The following ITGA1 variants were observed in gnomAD, a reference collection of about 807,000 sequenced individuals.
The protein encoded by ITGA1 is integrin subunit alpha 1.
Under a neutral mutation model 145.9 loss-of-function variants are expected in ITGA1, and 85 were observed. That is an observed-to-expected ratio of 0.58 (90% CI 0.49 to 0.70). The LOEUF (loss-of-function observed/expected upper bound fraction) is 0.70, where lower values mean the gene tolerates loss of function less well. Ranked by LOEUF, ITGA1 falls within the 30% of genes least tolerant of loss-of-function variation. ITGA1 has a pLI of 0.00. For synonymous variants in ITGA1, 520 were observed against 495.3 expected (o/e 1.05, Z -0.66); for missense variants, 1,351 against 1,418.7 (o/e 0.95, Z 0.77).
intron 6 of ITGA1, among the ~76,000 whole-genome samples, chr5:52,867,611 T>C (rs569398124): frequency 6.6e-6 from 1 of 152,106 alleles, no homozygotes; most frequent in East Asian, 2.0e-4. Context: ...TTTTTTCCCT[T>C]CTGAGACCAC....
chr5:52,871,602 CA>C (rs566579620), intron 6 of ITGA1, among the ~76,000 whole-genome samples: 1 of 145,538 alleles, frequency 6.9e-6, no homozygotes, highest in East Asian at 2.0e-4. Context: ...CTGTTACCTC[CA>C]AAAAACAAAA....
At chr5:52,805,045 A>C (rs1748563379) in intron 1 of ITGA1, among the ~76,000 whole-genome samples, 1 of 152,146 alleles carries the variant, frequency 6.6e-6, no homozygotes, top group South Asian at 2.1e-4. Context: ...TAAGCAAATC[A>C]CTGTTAGAAG....
intron 1 of ITGA1, among the ~76,000 whole-genome samples, chr5:52,833,022 T>C (rs1028004652): frequency 2.0e-5 from 3 of 151,914 alleles, no homozygotes; most frequent in African/African-American, 7.2e-5. Context: ...TGAAAACCCA[T>C]CTCTACTAAA....
At chr5:52,799,844 A>G (rs150812816) in intron 1 of ITGA1, 77 of 156,764 alleles carry the variant, frequency 4.9e-4, no homozygotes, top group African/African-American at 1.8e-3. Context: ...AGGCAGGTAA[A>G]ACTAGTATTT....
intron 1 of ITGA1, among the ~76,000 whole-genome samples, chr5:52,793,101 T>C (rs897197631): frequency 2.6e-5 from 4 of 152,092 alleles, no homozygotes; most frequent in African/African-American, 9.7e-5. Context: ...CTGAAGTAGA[T>C]TGGACCCTAC....
chr5:52,805,766 T>C (rs1356126808), intron 1 of ITGA1, among the ~76,000 whole-genome samples: 2 of 152,098 alleles, frequency 1.3e-5, no homozygotes, highest in South Asian at 2.1e-4. Context: ...CTTAACATAG[T>C]ATCTCTGATT....
chr5:52,891,881 T>C (rs975902531), intron 8 of ITGA1, among the ~76,000 whole-genome samples: 3 of 152,216 alleles, frequency 2.0e-5, no homozygotes, highest in Non-Finnish European at 2.9e-5. Context: ...GTTTTCATTA[T>C]CTTGAACATT....
chr5:52,945,452 C>A (rs1160459562), intron 27 of ITGA1, among the ~76,000 whole-genome samples: 2 of 152,114 alleles, frequency 1.3e-5, no homozygotes, highest in Non-Finnish European at 2.9e-5. Flanking sequence ...AAAACATGTA[C>A]ATTTTTTAAA....
chr5:52,880,445 C>T (rs1024043798), intron 6 of ITGA1, among the ~76,000 whole-genome samples: 1 of 152,152 alleles, frequency 6.6e-6, no homozygotes, highest in Admixed American at 6.5e-5. Context: ...TTGGGCTTCT[C>T]TTATTTGTTT....
At chr5:52,936,907 A>G (rs1750972892) in intron 23 of ITGA1, among the ~76,000 whole-genome samples, 1 of 152,126 alleles carries the variant, frequency 6.6e-6, no homozygotes. Flanking sequence ...GTTTTCCTGT[A>G]TAGTGGTGGC....
intron 2 of ITGA1, 111 bp downstream of exon 2, chr5:52,849,596 A>T: frequency 1.0e-6 from 1 of 988,016 alleles, no homozygotes; most frequent in Non-Finnish European, 1.4e-6. Context: ...TGAATTATTT[A>T]TGGTAGAAAA....
At chr5:52,918,122 C>T (rs1214658595) in intron 15 of ITGA1, among the ~76,000 whole-genome samples, 1 of 152,108 alleles carries the variant, frequency 6.6e-6, no homozygotes, top group Non-Finnish European at 1.5e-5. Flanking sequence ...AGTTTAAAAT[C>T]CCAGGTTTTT....
Position 52,897,349 on chromosome 5 carries a change from C to G in ITGA1, c.1091-106C>G, listed in dbSNP as rs563527595. On this transcript the variant is annotated intron_variant, in intron 9 of 28. Transcript: ENST00000282588. The stretch of plus-strand genomic sequence containing the variant: ...AAAATGCCCTAAGATGTTTGAAGTT[C>G]TGGTTGGTAAGACCACAAGCTCTAC... 44 of 743,392 alleles carry G rather than the reference C, an allele frequency of 5.9e-5. No individual in the cohort carries two copies. In the African/African-American group the frequency reaches 7.3e-4, roughly 12 times the overall value. The allele number at this position is 743,392 out of a possible 1,614,324, so 46.0% of individuals were successfully genotyped here.
intron 1 of ITGA1, among the ~76,000 whole-genome samples, chr5:52,797,677 G>T (rs1399599806): frequency 6.6e-6 from 1 of 152,084 alleles, no homozygotes; most frequent in East Asian, 1.9e-4. Context: ...TCATAATATA[G>T]GATGGTGGTA....
intron 6 of ITGA1, among the ~76,000 whole-genome samples, chr5:52,875,786 C>T (rs1469546058): frequency 6.6e-6 from 1 of 152,200 alleles, no homozygotes; most frequent in East Asian, 1.9e-4. Context: ...TTTCCACCTC[C>T]ATGATTTGTT....
Position 52,955,035 on chromosome 5 carries a change from A to G in ITGA1, c.*2584A>G, listed in dbSNP as rs1751282477. 6.6e-6 allele frequency: 1 copy of G among 152,184 alleles called. No homozygotes were observed. Among genetic ancestry groups the G allele is most frequent in the Non-Finnish European group, 1.5e-5 (1 of 68,030 alleles). 9.4% of individuals were successfully genotyped at this position (152,184 alleles called of 1,614,324 possible). A position where few individuals can be genotyped will look rare whatever the true frequency, so the allele number is the denominator to read the frequency against. On this transcript the variant is annotated 3_prime_UTR_variant, in exon 29 of 29. Coordinates refer to ENST00000282588, the MANE Select transcript of ITGA1 (RefSeq NM_181501.2). ...ATTGCCAAAAAGTTTCTTTTTCTCT[A>G]ACTTTGGTATTCTAAATAATTGATT...
At chr5:52,800,985 A>G (rs1748467407) in intron 1 of ITGA1, 1 of 1,614,174 alleles carries the variant, frequency 6.2e-7, no homozygotes, top group Non-Finnish European at 8.5e-7. Context: ...AGCGCCACAT[A>G]CACTTTGATG....
At chr5:52,920,501 C>T in intron 17 of ITGA1, 33 bp downstream of exon 17, 1 of 1,529,406 alleles carries the variant, frequency 6.5e-7, no homozygotes, top group Non-Finnish European at 8.8e-7. Flanking sequence ...CTGCCTTATT[C>T]CAAATCAAGA....
At chr5:52,873,822 C>T (rs758909548) in intron 6 of ITGA1, among the ~76,000 whole-genome samples, 7 of 152,112 alleles carry the variant, frequency 4.6e-5, no homozygotes, top group Non-Finnish European at 7.3e-5. Context: ...GTCATTACTT[C>T]TGTAAAGGAA....
Sources: allele counts gnomAD v4.1 joint callset (sites outside exome capture counted in the v4.1 genomes callset), GRCh38; gene constraint gnomAD v4.1.1; transcripts MANE v1.5; gene names NCBI Gene and HGNC (gene_info 2026-07-23, HGNC 2026-07-21).